CCNY: variants seen among roughly 807,000 people sequenced by gnomAD.
CCNY encodes the protein cyclin Y, also known as cyclin-Y.
Under a neutral mutation model 42.8 loss-of-function variants are expected in CCNY, and 19 were observed. The ratio of observed to expected loss-of-function variants is 0.44; its 90% confidence interval spans 0.31 to 0.65. The LOEUF (loss-of-function observed/expected upper bound fraction) is 0.65, where lower values mean the gene tolerates loss of function less well. Among genes scored for constraint, CCNY ranks in the 30% least tolerant of loss-of-function variants. The probability of loss-of-function intolerance (pLI) is 0.07; values close to 1 mark genes in which losing one functional copy is unlikely to be tolerated. For missense variants in CCNY, 370 were observed against 437.3 expected, an observed-to-expected ratio of 0.85 and a Z score of 1.37; for synonymous variants, 165 against 162.7, an observed-to-expected ratio of 1.01 and a Z score of -0.11.
chr10:35,446,616 G>A (rs115280677), intron 1 of CCNY, among the ~76,000 whole-genome samples: 1,680 of 152,322 alleles, frequency 0.011, 41 homozygotes, highest in African/African-American at 0.039. Context: ...TCCAGTTTGT[G>A]TTTCATGAGC....
intron 1 of CCNY, among the ~76,000 whole-genome samples, chr10:35,383,377 G>A (rs927148616): frequency 3.3e-5 from 5 of 151,496 alleles, no homozygotes; most frequent in African/African-American, 1.2e-4. Context: ...GCACAATCTC[G>A]GCTCACTGCA....
At chr10:35,338,779 T>A (rs758996039) in intron 1 of CCNY, among the ~76,000 whole-genome samples, 1 of 152,228 alleles carries the variant, frequency 6.6e-6, no homozygotes, top group Non-Finnish European at 1.5e-5. Context: ...TAGCGGAGGC[T>A]TTGTTTTGAA....
chr10:35,345,120 T>G (rs1249452998), intron 1 of CCNY, among the ~76,000 whole-genome samples: 1 of 152,208 alleles, frequency 6.6e-6, no homozygotes, highest in Admixed American at 6.5e-5. Flanking sequence ...GAAATGGTAT[T>G]TCTAGTTCTA....
chr10:35,463,457 G>A (rs117929636), intron 1 of CCNY, among the ~76,000 whole-genome samples: 2,259 of 152,300 alleles, frequency 0.015, 32 homozygotes, highest in Non-Finnish European at 0.023. Flanking sequence ...GAATCTGACA[G>A]AAGGAAGAGT....
chr10:35,495,293 A>T (rs1027268756), intron 2 of CCNY, among the ~76,000 whole-genome samples: 2 of 152,212 alleles, frequency 1.3e-5, no homozygotes, highest in African/African-American at 4.8e-5. Context: ...GATTAGCAGA[A>T]AGTTTTAAAT....
intron 1 of CCNY, among the ~76,000 whole-genome samples, chr10:35,342,599 G>A (rs1836206542): frequency 6.6e-6 from 1 of 152,180 alleles, no homozygotes; most frequent in Non-Finnish European, 1.5e-5. Context: ...TCTCAGAGAG[G>A]TGTAGTTTCT....
At chr10:35,344,181 G>T (rs1836248586) in intron 1 of CCNY, among the ~76,000 whole-genome samples, 1 of 152,234 alleles carries the variant, frequency 6.6e-6, no homozygotes, top group South Asian at 2.1e-4. Flanking sequence ...CTTTCCTGAA[G>T]AAAGGAGAGG....
In CCNY at chr10:35,336,631, C is replaced by G. The variant is rs1836036340; in HGVS notation, c.-423C>G. 6.7e-6 allele frequency among the ~76,000 whole-genome samples: 1 copy of G among 148,268 alleles called. No individual in the cohort carries two copies. The highest frequency in any genetic ancestry group is 2.0e-4 in the East Asian group (1 of 5,124). On this transcript the variant is annotated 5_prime_UTR_variant, in exon 1 of 10. Coordinates refer to ENST00000374704, the MANE Select transcript of CCNY (RefSeq NM_145012.6). ...CGGACACGCGTGCCCCCGGCTTGAA[C>G]CGGAACCTCTTGCCGAGGCGGCCGC... is the stretch of plus-strand genomic sequence containing the variant.
At chr10:35,424,700 G>A (rs1178961671) in intron 1 of CCNY, among the ~76,000 whole-genome samples, 2 of 152,156 alleles carry the variant, frequency 1.3e-5, no homozygotes, top group Non-Finnish European at 2.9e-5. Flanking sequence ...CCTGATCAGA[G>A]CCTAGTCTTG....
chr10:35,494,519 TG>T (rs1839969092), intron 2 of CCNY, among the ~76,000 whole-genome samples: 1 of 152,156 alleles, frequency 6.6e-6, no homozygotes, highest in South Asian at 2.1e-4. Context: ...ATAGTATACG[TG>T]AATATTTAGT....
chr10:35,328,860 C>T (rs1046274791), intron 3 of CCNY, among the ~76,000 whole-genome samples: 3 of 152,138 alleles, frequency 2.0e-5, no homozygotes, highest in Non-Finnish European at 4.4e-5. Context: ...TAGAAAGGGC[C>T]TGTTAGGTGT....
intron 2 of CCNY, among the ~76,000 whole-genome samples, chr10:35,496,227 A>G (rs149117004): frequency 2.2e-4 from 33 of 152,352 alleles, no homozygotes; most frequent in Admixed American, 5.9e-4. Flanking sequence ...TTTGTAGAAT[A>G]GCACAGCTCT....
At chr10:35,281,044 A>G (rs1363849107) in intron 3 of CCNY, among the ~76,000 whole-genome samples, 1 of 152,200 alleles carries the variant, frequency 6.6e-6, no homozygotes, top group African/African-American at 2.4e-5. Context: ...AGCCACAATC[A>G]AACGCCACTT....
chr10:35,507,400 C>A (rs1234975393), intron 3 of CCNY, among the ~76,000 whole-genome samples: 1 of 151,942 alleles, frequency 6.6e-6, no homozygotes, highest in Non-Finnish European at 1.5e-5. Context: ...AGTTTTAAAC[C>A]AATATTCTCT....
At chr10:35,545,903 TA>T (rs751679952) in intron 7 of CCNY, among the ~76,000 whole-genome samples, 71 of 152,326 alleles carry the variant, frequency 4.7e-4, no homozygotes, top group Non-Finnish European at 9.1e-4. Flanking sequence ...AGAAATTTTA[TA>T]AACAGAAAAT....
In CCNY at chr10:35,336,708, G is replaced by C. The variant is rs1375483213; in HGVS notation, c.-346G>C. On this transcript the variant is annotated 5_prime_UTR_variant, in exon 1 of 10. Transcript: ENST00000374704. ...ACACCAACTGGGGAAGCGCGGGGGG[G>C]AGGCGGCCTGCGCGGCGCCGCCCGC... Among the ~76,000 whole-genome samples, 1 of 147,430 alleles carries C rather than the reference G, an allele frequency of 6.8e-6. No individual in the cohort carries two copies. The highest frequency in any genetic ancestry group is 2.4e-5 in the African/African-American group (1 of 41,042).
intron 8 of CCNY, among the ~76,000 whole-genome samples, chr10:35,560,804 T>C (rs1841450838): frequency 6.6e-6 from 1 of 152,194 alleles, no homozygotes; most frequent in Non-Finnish European, 1.5e-5. Flanking sequence ...GAATACTTCA[T>C]TCAGTCTTTC....
chr10:35,454,211 T>C (rs1838980310), intron 1 of CCNY, among the ~76,000 whole-genome samples: 1 of 152,158 alleles, frequency 6.6e-6, no homozygotes, highest in Non-Finnish European at 1.5e-5. Context: ...CTACCAGTGG[T>C]CAAGCTCGGA....
At chr10:35,257,100 T>A (rs772225789) in intron 3 of CCNY, among the ~76,000 whole-genome samples, 8 of 152,194 alleles carry the variant, frequency 5.3e-5, no homozygotes, top group Non-Finnish European at 8.8e-5. Flanking sequence ...TCCATATGGC[T>A]TCCAGTTACT....
Sources: gnomAD v4.1 joint callset for allele counts (sites outside exome capture counted in the v4.1 genomes callset) on GRCh38, gnomAD v4.1.1 for gene constraint, MANE v1.5 for transcripts, NCBI Gene and HGNC (gene_info 2026-07-23, HGNC 2026-07-21) for gene names.